Variants in ADCY2 observed in about 807,000 individuals in gnomAD.
ADCY2 encodes the protein adenylate cyclase type 2.
In ADCY2, 31 loss-of-function variants were observed where a neutral mutation model predicts 125.2. The ratio of observed to expected loss-of-function variants is 0.25; its 90% CI spans 0.19 to 0.33. The LOEUF (loss-of-function observed/expected upper bound fraction) is 0.33. Among genes scored for constraint, ADCY2 ranks in the 10% least tolerant of loss-of-function variants. ADCY2 has a pLI of 1.00. For synonymous variants in ADCY2, 512 were observed against 548.4 expected (o/e 0.93, Z 0.93); for missense variants, 904 against 1,418.2 (o/e 0.64, Z 5.82).
At chr5:7,601,303 T>A (rs1737192283) in intron 3 of ADCY2, among the ~76,000 whole-genome samples, 1 of 151,428 alleles carries the variant, frequency 6.6e-6, no homozygotes, top group Admixed American at 6.6e-5. Context: ...TAAACAAATA[T>A]CGTGATGAAT....
chr5:7,822,080 G>A (rs78110139), intron 24 of ADCY2, among the ~76,000 whole-genome samples: 5 of 152,060 alleles, frequency 3.3e-5, no homozygotes, highest in East Asian at 1.9e-4. Flanking sequence ...TCCAGTATTC[G>A]GAAGAAAGAA....
At chr5:7,589,799 C>T (rs1736789764) in intron 3 of ADCY2, among the ~76,000 whole-genome samples, 1 of 152,190 alleles carries the variant, frequency 6.6e-6, no homozygotes, top group South Asian at 2.1e-4. Context: ...CGGGAGCTCA[C>T]AGCACTTTTC....
At chr5:7,542,836 A>T (rs145721736) in intron 3 of ADCY2, among the ~76,000 whole-genome samples, 1 of 152,244 alleles carries the variant, frequency 6.6e-6, no homozygotes, top group Non-Finnish European at 1.5e-5. Flanking sequence ...ATTAGGTAGC[A>T]TAGCCTTGCC....
At chr5:7,472,075 A>G (rs185210950) in intron 2 of ADCY2, among the ~76,000 whole-genome samples, 1 of 152,160 alleles carries the variant, frequency 6.6e-6, no homozygotes, top group Admixed American at 6.5e-5. Context: ...TCTTGGTTGT[A>G]TTTACGGCTT....
chr5:7,619,126 A>G (rs1168595906), intron 3 of ADCY2, among the ~76,000 whole-genome samples: 13 of 152,206 alleles, frequency 8.5e-5, no homozygotes, highest in Admixed American at 8.5e-4. Context: ...AGAGATAATG[A>G]CTTCTATAGG....
chr5:7,693,025 AT>A (rs1289668924), intron 5 of ADCY2, among the ~76,000 whole-genome samples: 1 of 152,130 alleles, frequency 6.6e-6, no homozygotes, highest in African/African-American at 2.4e-5. Flanking sequence ...ACTTGTTTTG[AT>A]TTGCACAAAC....
At chr5:7,505,123 A>G (rs1462422345) in intron 2 of ADCY2, among the ~76,000 whole-genome samples, 1 of 152,024 alleles carries the variant, frequency 6.6e-6, no homozygotes, top group Non-Finnish European at 1.5e-5. Context: ...GGCTCAAGCA[A>G]TTCTTCTACC....
chr5:7,487,958 A>T (rs1743003763), intron 2 of ADCY2, among the ~76,000 whole-genome samples: 1 of 152,188 alleles, frequency 6.6e-6, no homozygotes, highest in African/African-American at 2.4e-5. Context: ...CAAAACACAC[A>T]TCATTAAAAG....
intron 2 of ADCY2, among the ~76,000 whole-genome samples, chr5:7,513,144 G>A (rs1324857915): frequency 2.6e-5 from 4 of 151,904 alleles, no homozygotes; most frequent in Admixed American, 6.6e-5. Flanking sequence ...GAGAGAGAGA[G>A]AGAAAGATCT....
At chr5:7,815,979 T>G (rs1000904018) in intron 22 of ADCY2, among the ~76,000 whole-genome samples, 1 of 152,172 alleles carries the variant, frequency 6.6e-6, no homozygotes, top group Non-Finnish European at 1.5e-5. Context: ...TTCCTTCCTC[T>G]CCTTGTGTCT....
rs145576027 is a variant in ADCY2, at chr5:7,416,882, G to A, written c.408+2112G>A. Among the ~76,000 whole-genome samples the A allele has an allele frequency of 2.1e-3, 323 of 152,210 alleles. 5 individuals carry two copies. The highest frequency in any genetic ancestry group is 7.5e-3 in the African/African-American group (313 of 41,518). On this transcript the variant is annotated intron_variant, in intron 2 of 24. Transcript: ENST00000338316. ...AAGCCATCTTGTTTTAAAGTTACAG[G>A]TTTCTAGGAAGACTTAGTGTCTGGG...
chr5:7,413,587 C>A (rs1432127676), intron 1 of ADCY2, among the ~76,000 whole-genome samples: 2 of 149,238 alleles, frequency 1.3e-5, no homozygotes, highest in Non-Finnish European at 3.0e-5. Context: ...CGTGAGCCAC[C>A]GCACCCGGCC....
At chr5:7,582,398 A>G (rs556405859) in intron 3 of ADCY2, among the ~76,000 whole-genome samples, 1 of 152,274 alleles carries the variant, frequency 6.6e-6, no homozygotes, top group African/African-American at 2.4e-5. Flanking sequence ...TTAAAAAGGA[A>G]AGAACTCTTG....
chr5:7,653,422 G>A (rs774689024), intron 4 of ADCY2, among the ~76,000 whole-genome samples: 6 of 152,090 alleles, frequency 3.9e-5, no homozygotes, highest in Non-Finnish European at 7.4e-5. Flanking sequence ...CGGCTAACAC[G>A]GTGAAACCCC....
intron 4 of ADCY2, among the ~76,000 whole-genome samples, chr5:7,645,503 C>G (rs775833707): frequency 2.6e-5 from 4 of 152,078 alleles, no homozygotes; most frequent in African/African-American, 4.8e-5. Context: ...CCTTCATTAC[C>G]AATGAGACAA....
intron 2 of ADCY2, among the ~76,000 whole-genome samples, chr5:7,465,459 C>G (rs533640062): frequency 6.6e-6 from 1 of 152,286 alleles, no homozygotes; most frequent in East Asian, 1.9e-4. Context: ...GTCCCTAAAG[C>G]CCTCCACAAG....
At chr5:7,409,608 A>G (rs1182358626) in intron 1 of ADCY2, among the ~76,000 whole-genome samples, 1 of 152,164 alleles carries the variant, frequency 6.6e-6, no homozygotes, top group Non-Finnish European at 1.5e-5. Context: ...AATATTCCAC[A>G]TGCACTTCAG....
At chr5:7,693,843 G>A (rs899045005) in intron 5 of ADCY2, among the ~76,000 whole-genome samples, 1 of 152,206 alleles carries the variant, frequency 6.6e-6, no homozygotes, top group South Asian at 2.1e-4. Context: ...AAGAAGCACT[G>A]TGGATGACGT....
intron 3 of ADCY2, among the ~76,000 whole-genome samples, chr5:7,599,699 G>T (rs140539655): frequency 2.0e-4 from 31 of 152,262 alleles, no homozygotes; most frequent in African/African-American, 7.2e-4. Context: ...GAGAGTAAAG[G>T]CACGATCCTA....
Sources: allele counts gnomAD v4.1 joint callset (sites outside exome capture counted in the v4.1 genomes callset), GRCh38; gene constraint gnomAD v4.1.1; transcripts MANE v1.5; gene names NCBI Gene and HGNC (gene_info 2026-07-23, HGNC 2026-07-21).